KIF7: variants seen among roughly 807,000 people sequenced by gnomAD.
The protein encoded by KIF7 is kinesin family member 7.
KIF7 carries 104 observed loss-of-function variants against 135.7 expected under a neutral mutation model. The observed-to-expected ratio is 0.77, with a 90% confidence interval of 0.65 to 0.90. The LOEUF is 0.90. Ranked by LOEUF, KIF7 falls within the 40% of genes least tolerant of loss-of-function variation. KIF7 has a pLI of 0.00. For missense variants in KIF7, 2,005 were observed against 1,839.1 expected (o/e 1.09, Z -1.65); for synonymous variants, 883 against 809.4 (o/e 1.09, Z -1.54).
chr15:89,630,494 C>G lies in KIF7; in HGVS notation c.3112-1G>C. On this transcript the variant is annotated splice_acceptor_variant, in intron 15 of 18. Transcript: ENST00000394412. LOFTEE classifies it high-confidence loss of function. The stretch of plus-strand genomic sequence containing the variant: ...CCAACTGGAACAGCGTCCGCTCCTC[C>G]TGCAGAGACGGGCACGCGTGGAGGA... 6.6e-7 allele frequency: 1 copy of G among 1,504,630 alleles called. No individual in the cohort carries two copies. The highest frequency in any genetic ancestry group is 8.9e-7 in the Non-Finnish European group (1 of 1,125,570). The allele number at this position is 1,504,630 out of a possible 1,614,324, so 93.2% of individuals were successfully genotyped here.
chr15:89,652,553 G>T, intron 2 of KIF7, 50 bp downstream of exon 2: 2 of 1,367,214 alleles, frequency 1.5e-6, no homozygotes, highest in Non-Finnish European at 2.0e-6. Flanking sequence ...ATCCAGGAAG[G>T]AACTAAGGCT....
At chr15:89,644,681 C>CT (rs1215562380) in intron 10 of KIF7, among the ~76,000 whole-genome samples, 1 of 151,906 alleles carries the variant, frequency 6.6e-6, no homozygotes, top group Non-Finnish European at 1.5e-5. Context: ...GAAACTCTTT[C>CT]TCAAAAAAAG....
upstream of KIF7, among the ~76,000 whole-genome samples, chr15:89,655,764 T>C (rs894163): frequency 0.031 from 4,786 of 152,268 alleles, 261 homozygotes; most frequent in African/African-American, 0.11. Context: ...AAACCACGCC[T>C]CCTGCACGCC....
chr15:89,633,661 G>A (rs778051916), intron 12 of KIF7, 25 bp downstream of exon 12: 5 of 1,601,884 alleles, frequency 3.1e-6, no homozygotes, highest in African/African-American at 2.7e-5. Flanking sequence ...TGGACAGAAG[G>A]TCCCCACCCT....
chr15:89,649,011 C>T lies in KIF7; in HGVS notation c.886G>A (p.Gly296Ser). ...GAGTCGCGGTAGGGTATGTGGCTGC[C>T]CCGGCGCTGAGGGTCCCCCAGGGCG... ...ISALGDPQRR[G>S]SHIPYRDSKI... The change falls in exon 4 of 19, where the codon GGC (glycine) becomes AGC (serine). Residue 296 changes from glycine to serine, a missense_variant. Gly to Ser is a moderately conservative substitution (Grantham distance 56). Coordinates refer to ENST00000394412, the MANE Select transcript of KIF7 (RefSeq NM_198525.3). 1 of 1,547,442 alleles carries T rather than the reference C, an allele frequency of 6.5e-7. No individual in the cohort carries two copies. Among genetic ancestry groups the T allele is most frequent in the Non-Finnish European group, 8.7e-7 (1 of 1,146,390 alleles).
downstream of KIF7, chr15:89,623,751 T>C (rs748040400): frequency 1.2e-6 from 2 of 1,613,892 alleles, no homozygotes; most frequent in Admixed American, 3.3e-5. Context: ...AAATGACCCC[T>C]ACAAAGCAGG....
chr15:89,647,504 C>G, intron 6 of KIF7, 92 bp downstream of exon 6: 1 of 1,145,212 alleles, frequency 8.7e-7, no homozygotes, highest in Admixed American at 1.7e-5. Context: ...AGTACCCTAC[C>G]CTAACTCCCT....
At chr15:89,636,889 C>T (rs1963819822) in intron 11 of KIF7, among the ~76,000 whole-genome samples, 1 of 148,684 alleles carries the variant, frequency 6.7e-6, no homozygotes, top group South Asian at 2.2e-4. Flanking sequence ...TTTTTCAGCA[C>T]CACACCACAC....
intron 15 of KIF7, chr15:89,630,728 T>C (rs755231052): frequency 1.7e-6 from 1 of 588,962 alleles, no homozygotes; most frequent in Non-Finnish European, 3.0e-6. Context: ...CCTCTGTGAA[T>C]GATCTACATT....
chr15:89,624,882 C>T (rs147351837), downstream of KIF7: 105 of 1,614,128 alleles, frequency 6.5e-5, no homozygotes, highest in South Asian at 7.5e-4. Context: ...CTTCCCGTGA[C>T]GTGCACTGTA....
At position 89,649,940 on chromosome 15, in the gene KIF7, G is replaced by A; in HGVS notation, c.330C>T (p.Ala110=). The change falls in exon 3 of 19, where the codon GCC becomes GCT. Residue 110 remains alanine (A), a splice_region_variant and synonymous_variant. Transcript: ENST00000394412. ...KTYTMGEASV[A]SLLEDEQGIV... ...TGCCCTGCTCATCCTCAAGGAGGGA[G>A]GCTGGGGAGACACCGCAGGGCCTCC... 3.2e-6 allele frequency: 5 copies of A among 1,550,782 alleles called. No individual in the cohort carries two copies. The highest frequency in any genetic ancestry group is 4.4e-6 in the Non-Finnish European group (5 of 1,146,954).
At chr15:89,642,087 A>G in intron 11 of KIF7, 116 bp downstream of exon 11, 1 of 1,095,368 alleles carries the variant, frequency 9.1e-7, no homozygotes, top group Admixed American at 2.0e-5. Flanking sequence ...CCAGGGCTGG[A>G]GCACAAGGTT....
At chr15:89,633,314 T>C (rs772280881) in intron 12 of KIF7, 48 bp from the exon 13 acceptor site, 41 of 1,537,366 alleles carry the variant, frequency 2.7e-5, no homozygotes, top group Non-Finnish European at 3.3e-5. Flanking sequence ...GCCAGCATCT[T>C]ACCAGAGCCT....
At position 89,633,781 on chromosome 15, in the gene KIF7, G is replaced by C. The variant is rs746915003; in HGVS notation, c.2497C>G (p.Gln833Glu). Residue 833 changes from glutamine (Q) to glutamate (E), a missense_variant, in exon 12 of 19, where the codon CAG (glutamine) becomes GAG (glutamate). Coordinates refer to ENST00000394412, the MANE Select transcript of KIF7 (RefSeq NM_198525.3). ...ELERNVQLMR[Q>E]QQGQLQRRLR... ...CGCCTCTGCAGCTGTCCCTGCTGCTGCCGCATGAGCTGCACGTTCCGCTCG... is the reference window on the plus strand; with the variant it reads ...CGCCTCTGCAGCTGTCCCTGCTGCTCCCGCATGAGCTGCACGTTCCGCTCG... 1.9e-6 allele frequency: 3 copies of C among 1,611,668 alleles called. No individual in the cohort carries two copies. Among genetic ancestry groups the C allele is most frequent in the Non-Finnish European group, 2.5e-6 (3 of 1,180,006 alleles).
At chr15:89,621,071 G>A (rs1963417123) in intron 1 of KIF7, among the ~76,000 whole-genome samples, 1 of 151,090 alleles carries the variant, frequency 6.6e-6, no homozygotes, top group Non-Finnish European at 1.5e-5. Context: ...CCAGGCTGGA[G>A]TGCAATGGTG....
chr15:89,618,788 T>G (rs561065459), intron 1 of KIF7, among the ~76,000 whole-genome samples: 2 of 152,224 alleles, frequency 1.3e-5, no homozygotes, highest in Admixed American at 1.3e-4. Context: ...TGAGGTGCTG[T>G]GTCTATAAAA....
rs900395454 is a variant in KIF7 at position 89,629,440 on chromosome 15, C to T, written c.3452G>A (p.Arg1151His). The change falls in exon 17 of 19, where the codon CGC (arginine) becomes CAC (histidine). Residue 1151 changes from arginine (R) to histidine (H), a missense_variant. By Grantham distance (29) the Arg-to-His change is conservative (BLOSUM62 0). Transcript: ENST00000394412. The part of the protein sequence containing the change: ...ALERQRLEMD[R>H]QLTLQQKEHE... Reference sequence around the variant, plus strand: ...CTCCTTCTGCTGCAGGGTCAGCTGGCGGTCCATCTCCAGGCGCTGCCGCTC... The same window carrying T: ...CTCCTTCTGCTGCAGGGTCAGCTGGTGGTCCATCTCCAGGCGCTGCCGCTC... The T allele has an allele frequency of 4.4e-6, 7 of 1,608,776 alleles. No homozygotes were observed. The highest frequency in any genetic ancestry group is 2.2e-5 in the East Asian group (1 of 44,886).
At chr15:89,630,953 G>A (rs1309477035) in intron 15 of KIF7, 1 of 287,988 alleles carries the variant, frequency 3.5e-6, no homozygotes, top group Non-Finnish European at 6.8e-6. Context: ...TGGACAGCAT[G>A]TGACTGTACT....
intron 1 of KIF7, among the ~76,000 whole-genome samples, chr15:89,619,271 G>T (rs1475187221): frequency 8.0e-6 from 1 of 124,898 alleles, no homozygotes; most frequent in Non-Finnish European, 1.6e-5. Flanking sequence ...TGTCGCCCAG[G>T]CTGGAGTGCA....
Sources: allele counts gnomAD v4.1 joint callset (sites outside exome capture counted in the v4.1 genomes callset), GRCh38; gene constraint gnomAD v4.1.1; transcripts MANE v1.5; gene names NCBI Gene and HGNC (gene_info 2026-07-23, HGNC 2026-07-21).